The following CDH18 variants were observed in gnomAD, a reference collection of about 807,000 sequenced individuals.
The protein encoded by CDH18 is cadherin 18, also known as cadherin-18.
A neutral mutation model predicts 67.9 loss-of-function variants in CDH18; 31 were observed. That is an observed-to-expected ratio of 0.46 (90% CI 0.34 to 0.62). The LOEUF is 0.62. CDH18 is among the 20% of genes least tolerant of loss of function. CDH18 has a pLI of 0.01. For synonymous variants in CDH18, 362 were observed against 347.2 expected, an observed-to-expected ratio of 1.04 and a Z score of -0.48; for missense variants, 890 against 975.5, an observed-to-expected ratio of 0.91 and a Z score of 1.17.
intron 2 of CDH18, among the ~76,000 whole-genome samples, chr5:20,058,616 G>A (rs930892364): frequency 2.0e-5 from 3 of 152,020 alleles, no homozygotes; most frequent in African/African-American, 7.2e-5. Flanking sequence ...CCTAGCCAAA[G>A]AATCATAGTA....
chr5:20,515,307 TAA>T (rs5866433), intron 1 of CDH18, among the ~76,000 whole-genome samples: 7 of 121,164 alleles, frequency 5.8e-5, no homozygotes, highest in Admixed American at 1.6e-4. Flanking sequence ...AAGAGAGTAA[TAA>T]AAAAAAAAAA....
At chr5:20,539,291 G>A (rs1042349121) in intron 1 of CDH18, among the ~76,000 whole-genome samples, 10 of 152,004 alleles carry the variant, frequency 6.6e-5, no homozygotes, top group Admixed American at 3.9e-4. Flanking sequence ...ACAAATCATC[G>A]TCTGTGAGAA....
chr5:19,736,770 A>T lies in CDH18; in HGVS notation c.523+10172T>A, dbSNP rs1768389460. Among the ~76,000 whole-genome samples, 3 of 152,320 alleles carry T rather than the reference A, an allele frequency of 2.0e-5. No homozygotes were observed. The South Asian group carries it at 6.2e-4, about 32-fold the overall frequency. On this transcript the variant is annotated intron_variant, in intron 4 of 12. Coordinates refer to ENST00000382275, the MANE Select transcript of CDH18 (RefSeq NM_004934.5). ...AGCACCGCTTTTATGAAAGGTCGCA[A>T]CTTCCACAATATTCCATGGTGTCTC...
chr5:19,994,851 T>TAGAGAG (rs796697683), intron 2 of CDH18, among the ~76,000 whole-genome samples: 4,980 of 39,168 alleles, frequency 0.13, 824 homozygotes, highest in East Asian at 0.16. Flanking sequence ...TATATATATA[T>TAGAGAG]ATATAGAGAG....
intron 2 of CDH18, among the ~76,000 whole-genome samples, chr5:20,122,800 T>C (rs1748473212): frequency 6.8e-6 from 1 of 147,798 alleles, no homozygotes; most frequent in South Asian, 2.1e-4. Context: ...TAATTCGATA[T>C]GAATACAAAG....
chr5:19,521,384 A>T (rs1746879045), intron 9 of CDH18, among the ~76,000 whole-genome samples: 1 of 152,210 alleles, frequency 6.6e-6, no homozygotes, highest in African/African-American at 2.4e-5. Context: ...TTTCAAAAAC[A>T]TCTTAAACTA....
Position 20,059,570 on chromosome 5 carries a change from C to A in CDH18, c.-517-67556G>T, listed in dbSNP as rs372978161. The stretch of plus-strand genomic sequence containing the variant: ...GACAGTGTGGCAATTCCTCAAGGAT[C>A]TAGAACCAGAAATACCATTTGAACC... On this transcript the variant is annotated intron_variant, in intron 2 of 14. Transcript: ENST00000507958. Among the ~76,000 whole-genome samples the A allele has an allele frequency of 6.1e-4, 93 of 152,232 alleles. No individual in the cohort carries two copies. In the South Asian group the frequency reaches 0.017, roughly 27 times the overall value.
intron 2 of CDH18, among the ~76,000 whole-genome samples, chr5:19,896,285 G>A (rs544982121): frequency 2.4e-4 from 37 of 152,162 alleles, no homozygotes; most frequent in Non-Finnish European, 4.9e-4. Flanking sequence ...AGAAGCGGAG[G>A]TTGCAGTGAG....
intron 7 of CDH18, among the ~76,000 whole-genome samples, chr5:19,581,399 C>T (rs1743227176): frequency 6.6e-6 from 1 of 151,924 alleles, no homozygotes; most frequent in Admixed American, 6.6e-5. Context: ...TTTACATATT[C>T]AGGACTTTTT....
chr5:19,564,198 G>T (rs537253131), intron 8 of CDH18, among the ~76,000 whole-genome samples: 8 of 152,134 alleles, frequency 5.3e-5, no homozygotes, highest in Middle Eastern at 3.2e-3. Context: ...TGCTGGGCTT[G>T]GAGCCAGTGG....
rs553885679 is a variant in CDH18 at position 19,652,158 on chromosome 5, CAT to C, written c.644-39559_644-39558del. Among the ~76,000 whole-genome samples the C allele has an allele frequency of 2.6e-5, 4 of 151,726 alleles. No homozygotes were observed. In the South Asian group the frequency reaches 8.3e-4, roughly 31 times the overall value. The stretch of plus-strand genomic sequence containing the variant: ...CTTTTTAATATAATTATTATATTCA[CAT>C]GTTTAAACTAAATGATTAAAATGTG... On this transcript the variant is annotated intron_variant, in intron 5 of 12. Coordinates refer to ENST00000382275, the MANE Select transcript of CDH18 (RefSeq NM_004934.5).
chr5:20,434,109 T>G (rs1248975751), intron 1 of CDH18, among the ~76,000 whole-genome samples: 2 of 152,084 alleles, frequency 1.3e-5, no homozygotes, highest in Non-Finnish European at 2.9e-5. Context: ...AACCCCTCTT[T>G]AGTTCCCTGT....
At chr5:20,221,064 AT>A (rs1179937418) in intron 2 of CDH18, among the ~76,000 whole-genome samples, 1 of 152,052 alleles carries the variant, frequency 6.6e-6, no homozygotes, top group African/African-American at 2.4e-5. Flanking sequence ...CAGTTTGGAC[AT>A]TTCTTGAAAA....
chr5:19,594,778 G>A lies in CDH18; in HGVS notation c.812-3534C>T, dbSNP rs180895157. ...TTTGGATTTTGATAGGGATTTTACTGTACTTGTAGAGTTAAAATGTAGTAT... is the reference window on the plus strand; with the variant it reads ...TTTGGATTTTGATAGGGATTTTACTATACTTGTAGAGTTAAAATGTAGTAT... On this transcript the variant is annotated intron_variant, in intron 6 of 12. Coordinates refer to ENST00000382275, the MANE Select transcript of CDH18 (RefSeq NM_004934.5). 4.3e-4 allele frequency among the ~76,000 whole-genome samples: 66 copies of A among 152,112 alleles called. No individual in the cohort carries two copies. The East Asian group carries it at 0.013, about 29-fold the overall frequency.
chr5:20,151,278 A>G (rs1028514417), intron 2 of CDH18, among the ~76,000 whole-genome samples: 1 of 152,068 alleles, frequency 6.6e-6, no homozygotes, highest in Non-Finnish European at 1.5e-5. Context: ...TAAGGGTAAG[A>G]GCTTCCAGCT....
At chr5:20,412,083 C>T (rs1746835361) in intron 1 of CDH18, among the ~76,000 whole-genome samples, 1 of 152,038 alleles carries the variant, frequency 6.6e-6, no homozygotes, top group Non-Finnish European at 1.5e-5. Context: ...CAAAGCGGTC[C>T]TAAGCAAAAA....
chr5:20,284,748 C>A (rs758071642), intron 1 of CDH18, among the ~76,000 whole-genome samples: 3 of 151,944 alleles, frequency 2.0e-5, no homozygotes, highest in African/African-American at 2.4e-5. Flanking sequence ...TTTAAACCAT[C>A]ACTTTATGGA....
chr5:19,715,908 C>T (rs1215568959), intron 5 of CDH18, among the ~76,000 whole-genome samples: 1 of 151,004 alleles, frequency 6.6e-6, no homozygotes, highest in East Asian at 2.0e-4. Flanking sequence ...CCTCTGCCTC[C>T]TGGGTTCAAG....
At chr5:19,904,775 C>T (rs2150122778) in intron 2 of CDH18, among the ~76,000 whole-genome samples, 1 of 152,234 alleles carries the variant, frequency 6.6e-6, no homozygotes, top group South Asian at 2.1e-4. Flanking sequence ...TTTGATCTAG[C>T]TTAGCACATG....
Sources: gnomAD v4.1 joint callset for allele counts (sites outside exome capture counted in the v4.1 genomes callset) on GRCh38, gnomAD v4.1.1 for gene constraint, MANE v1.5 for transcripts, NCBI Gene and HGNC (gene_info 2026-07-23, HGNC 2026-07-21) for gene names.